CELF2: variants seen among roughly 807,000 people sequenced by gnomAD.
CELF2 encodes the protein CUG triplet repeat RNA-binding protein 2.
Under a neutral mutation model 62.6 loss-of-function variants are expected in CELF2, and 8 were observed. The ratio of observed to expected loss-of-function variants is 0.13; its 90% CI spans 0.07 to 0.23. CELF2 has a LOEUF of 0.23. Ranked by LOEUF, CELF2 falls within the 10% of genes least tolerant of loss-of-function variation. The probability of loss-of-function intolerance (pLI) is 1.00; values close to 1 mark genes in which losing one functional copy is unlikely to be tolerated. For missense variants in CELF2, 333 were observed against 671.0 expected (o/e 0.50, Z 5.56); for synonymous variants, 258 against 250.0 (o/e 1.03, Z -0.30).
chr10:11,112,063 A>G (rs930438762), intron 1 of CELF2, among the ~76,000 whole-genome samples: 3 of 152,194 alleles, frequency 2.0e-5, no homozygotes, highest in African/African-American at 7.2e-5. Context: ...TTGGCTTTCA[A>G]GGAGACCTCT....
chr10:10,829,055 A>T (rs1434820275), intron 1 of CELF2, among the ~76,000 whole-genome samples: 1 of 152,270 alleles, frequency 6.6e-6, no homozygotes, highest in Non-Finnish European at 1.5e-5. Context: ...ATATAGATTT[A>T]TAAGTTATAT....
At chr10:10,655,084 TAGAG>T in the CELF2 span, among the ~76,000 whole-genome samples, 25 of 150,118 alleles carry the variant, frequency 1.7e-4, no homozygotes, top group South Asian at 1.8e-3. Flanking sequence ...AACAGACAAA[TAGAG>T]AGCCAAATCA....
chr10:11,261,963 T>C (rs1299144953), intron 5 of CELF2, among the ~76,000 whole-genome samples: 3 of 152,056 alleles, frequency 2.0e-5, no homozygotes, highest in Non-Finnish European at 2.9e-5. Context: ...ACAGTCAGCC[T>C]GGGCTATTTA....
At chr10:11,323,639 C>T (rs1316848029) in intron 11 of CELF2, among the ~76,000 whole-genome samples, 1 of 152,010 alleles carries the variant, frequency 6.6e-6, no homozygotes, top group African/African-American at 2.4e-5. Context: ...CTACAAACGT[C>T]CCCAGTTCTT....
chr10:11,050,632 T>G (rs1432957152), intron 1 of CELF2, among the ~76,000 whole-genome samples: 1 of 152,204 alleles, frequency 6.6e-6, no homozygotes, highest in African/African-American at 2.4e-5. Context: ...AGGGCCTGTT[T>G]CCGTGATCTC....
chr10:11,321,423 C>T lies in CELF2; in HGVS notation c.1294+37C>T. 1 of 1,562,054 alleles carries T rather than the reference C, an allele frequency of 6.4e-7. No individual in the cohort carries two copies. Among genetic ancestry groups the T allele is most frequent in the Non-Finnish European group, 8.7e-7 (1 of 1,147,968 alleles). On this transcript the variant is annotated intron_variant, in intron 11 of 12. Coordinates refer to ENST00000633077, the MANE Select transcript of CELF2 (RefSeq NM_001326342.2). The surrounding 1 kb of genome is among the most constrained non-coding windows in gnomAD (Gnocchi z 6.2). The stretch of plus-strand genomic sequence containing the variant: ...CCTTGGCCCCAGGCAGGGCCCAGCC[C>T]AACAGGCAGCACTGGCCTCTAGAGC...
At chr10:11,232,149 C>A (rs146848398) in intron 3 of CELF2, among the ~76,000 whole-genome samples, 5 of 152,072 alleles carry the variant, frequency 3.3e-5, no homozygotes, top group South Asian at 2.1e-4. Flanking sequence ...CCTCTCCCCC[C>A]ACCCCACAAC....
chr10:10,587,001 C>T, the CELF2 span, among the ~76,000 whole-genome samples: 1 of 152,134 alleles, frequency 6.6e-6, no homozygotes, highest in Non-Finnish European at 1.5e-5. Flanking sequence ...GGTTGCTAGG[C>T]TGGTTTCTGC....
the CELF2 span, among the ~76,000 whole-genome samples, chr10:10,741,492 CAAAAAAAAAAAAAAAA>C: frequency 1.7e-5 from 1 of 57,344 alleles, no homozygotes; most frequent in Non-Finnish European, 3.0e-5. Flanking sequence ...GACTCCGTCT[CAAAAAAAAAAAAAAAA>C]AAAAAAAAAG....
At chr10:11,146,405 G>T (rs1475663609) in intron 1 of CELF2, among the ~76,000 whole-genome samples, 1 of 152,218 alleles carries the variant, frequency 6.6e-6, no homozygotes, top group Non-Finnish European at 1.5e-5. Flanking sequence ...AAGATAATGT[G>T]TAAGCATAGC....
rs1023786869 is a variant in CELF2, at chr10:11,120,664, G to T, written c.75-44822G>T. Among the ~76,000 whole-genome samples, 3 of 152,176 alleles carry T rather than the reference G, an allele frequency of 2.0e-5. No homozygotes were observed. The East Asian group carries it at 5.8e-4, about 29-fold the overall frequency. ...TGCATTCAACTGTGAAACCCTGAAA[G>T]AGCCTTTGCTGTTACCTTTGCTGCA... On this transcript the variant is annotated intron_variant, in intron 1 of 12. Transcript: ENST00000633077.
chr10:11,319,192 C>A lies in CELF2; in HGVS notation c.1097-1997C>A. ...GCCCAGAGTGCGATCATCTGTAATC[C>A]ACAGCACCCGTTAACAGCCTGGCCA... On this transcript the variant is annotated intron_variant, in intron 10 of 12. Coordinates refer to ENST00000633077, the MANE Select transcript of CELF2 (RefSeq NM_001326342.2). This position sits in a 1 kb window ranked among gnomAD's most constrained non-coding sequence, Gnocchi z 4.4. The A allele has an allele frequency of 2.3e-6, 1 of 438,840 alleles. No individual in the cohort carries two copies. The highest frequency in any genetic ancestry group is 4.7e-6 in the Non-Finnish European group (1 of 212,156). The allele number at this position is 438,840 out of a possible 1,614,324, so 27.2% of individuals were successfully genotyped here. A position where few individuals can be genotyped will look rare whatever the true frequency, so the allele number is the denominator to read the frequency against.
At chr10:10,833,322 G>A (rs1361853969) in intron 1 of CELF2, among the ~76,000 whole-genome samples, 2 of 152,102 alleles carry the variant, frequency 1.3e-5, no homozygotes, top group Non-Finnish European at 2.9e-5. Flanking sequence ...TGCTTGATTT[G>A]GGAATGTACC....
At chr10:11,073,739 G>A (rs1385404903) in intron 1 of CELF2, among the ~76,000 whole-genome samples, 1 of 152,180 alleles carries the variant, frequency 6.6e-6, no homozygotes, top group Non-Finnish European at 1.5e-5. Flanking sequence ...AAGGGGCCAG[G>A]TCTCCCTGGG....
intron 1 of CELF2, among the ~76,000 whole-genome samples, chr10:10,906,181 C>T (rs2063327590): frequency 6.6e-6 from 1 of 151,622 alleles, no homozygotes. Flanking sequence ...TATTTATTTC[C>T]CAGGTCTGCT....
the CELF2 span, among the ~76,000 whole-genome samples, chr10:10,723,906 A>C: frequency 6.6e-6 from 1 of 152,208 alleles, no homozygotes. Flanking sequence ...AGGAAGACTA[A>C]GGTTTTTTTT....
At chr10:11,308,475 C>G (rs1400178419) in intron 9 of CELF2, among the ~76,000 whole-genome samples, 1 of 152,160 alleles carries the variant, frequency 6.6e-6, no homozygotes. Flanking sequence ...ATTGTAAAAT[C>G]TCTATCAGTA....
In CELF2 at chr10:11,332,954, T is replaced by C. The variant is rs2096056768; in HGVS notation, c.*3901T>C. 6.6e-6 allele frequency: 1 copy of C among 152,654 alleles called. No homozygotes were observed. 9.5% of individuals were successfully genotyped at this position (152,654 alleles called of 1,614,324 possible). A position where few individuals can be genotyped will look rare whatever the true frequency, so the allele number is the denominator to read the frequency against. On this transcript the variant is annotated 3_prime_UTR_variant, in exon 13 of 13. Coordinates refer to ENST00000633077, the MANE Select transcript of CELF2 (RefSeq NM_001326342.2). ...TGAGAACACGGTGTGTCTCGACACG[T>C]ACCACGTACGTGGAAACACAAGAGC...
intron 2 of CELF2, among the ~76,000 whole-genome samples, chr10:11,184,840 C>G (rs2074401459): frequency 6.6e-6 from 1 of 152,152 alleles, no homozygotes; most frequent in Non-Finnish European, 1.5e-5. Context: ...CACATAAAGA[C>G]AGTTCTACTT....
Sources: gnomAD v4.1 joint callset for allele counts (sites outside exome capture counted in the v4.1 genomes callset) on GRCh38, gnomAD v4.1.1 for gene constraint, Gnocchi (gnomAD v3.1) non-coding constraint, MANE v1.5 for transcripts, NCBI Gene and HGNC (gene_info 2026-07-23, HGNC 2026-07-21) for gene names.